The following EVC2 variants were observed in gnomAD, a reference collection of about 807,000 sequenced individuals.
EVC2 encodes the protein limbin.
In EVC2, 148 loss-of-function variants were observed where a neutral mutation model predicts 149.3. The observed-to-expected ratio is 0.99, with a 90% CI of 0.87 to 1.14. EVC2 has a LOEUF of 1.14. Among genes scored for constraint, EVC2 ranks in the 50% most tolerant of loss-of-function variants. The probability of loss-of-function intolerance (pLI) is 0.00; values close to 1 mark genes in which losing one functional copy is unlikely to be tolerated. For synonymous variants in EVC2, 776 were observed against 649.9 expected (o/e 1.19, Z -2.95); for missense variants, 1,854 against 1,627.3 (o/e 1.14, Z -2.40).
At chr4:5,689,071 C>T in intron 5 of EVC2, 86 bp downstream of exon 5, 1 of 1,462,034 alleles carries the variant, frequency 6.8e-7, no homozygotes, top group Non-Finnish European at 9.5e-7. Context: ...GCTTTAAGAA[C>T]ATGCCTGACC....
At chr4:5,661,134 C>A (rs986391907) in intron 9 of EVC2, among the ~76,000 whole-genome samples, 3 of 152,114 alleles carry the variant, frequency 2.0e-5, no homozygotes, top group African/African-American at 7.2e-5. Context: ...CAGAAAGCCA[C>A]ACATCTTTAA....
Position 5,618,687 on chromosome 4 carries a change from G to C in EVC2, c.2502-5C>G. On this transcript the variant is annotated splice_region_variant and splice_polypyrimidine_tract_variant and intron_variant, in intron 14 of 21. Transcript: ENST00000344408. This position sits in a 1 kb window ranked among gnomAD's most constrained non-coding sequence, Gnocchi z 4.4. ...AAGACTGAGGAGCAGAGCTTCCTGG[G>C]AGGAAGAACAGAGACACACTCTTAA... is the stretch of plus-strand genomic sequence containing the variant. 6.3e-7 allele frequency: 1 copy of C among 1,585,284 alleles called. No individual in the cohort carries two copies. The highest frequency in any genetic ancestry group is 8.6e-7 in the Non-Finnish European group (1 of 1,165,176).
chr4:5,593,233 C>T (rs1713002795), intron 16 of EVC2, among the ~76,000 whole-genome samples: 1 of 152,158 alleles, frequency 6.6e-6, no homozygotes, highest in Non-Finnish European at 1.5e-5. Context: ...ATGCAACCTT[C>T]CAGAAGTACG....
chr4:5,609,036 G>A (rs930998057), intron 16 of EVC2, among the ~76,000 whole-genome samples: 6 of 152,086 alleles, frequency 3.9e-5, no homozygotes, highest in Non-Finnish European at 7.3e-5. Context: ...GGGTCTCTCA[G>A]ACTTACACCA....
intron 16 of EVC2, among the ~76,000 whole-genome samples, chr4:5,594,471 G>A (rs1181496089): frequency 1.3e-5 from 2 of 152,218 alleles, no homozygotes; most frequent in Non-Finnish European, 2.9e-5. Context: ...AGCGTCTGGA[G>A]TGGACCTCTA....
In EVC2 at chr4:5,638,675, G is replaced by T. The variant is rs1397381444; in HGVS notation, c.1470+1839C>A. On this transcript the variant is annotated intron_variant, in intron 10 of 21. Transcript: ENST00000344408. ...ATTTAGAATAAGGGTCTTTCCACAT[G>T]AAATTAATTTAAGATCTTATGAGAT... Among the ~76,000 whole-genome samples the T allele has an allele frequency of 2.0e-5, 3 of 152,098 alleles. No homozygotes were observed. The East Asian group carries it at 5.8e-4, about 29-fold the overall frequency.
chr4:5,606,328 A>G (rs1270033333), intron 16 of EVC2, among the ~76,000 whole-genome samples: 1 of 152,190 alleles, frequency 6.6e-6, no homozygotes, highest in African/African-American at 2.4e-5. Context: ...ATTCCAAAGA[A>G]TCTTCATACA....
At chr4:5,648,684 T>G (rs1401188292) in intron 9 of EVC2, among the ~76,000 whole-genome samples, 1 of 152,148 alleles carries the variant, frequency 6.6e-6, no homozygotes, top group Non-Finnish European at 1.5e-5. Context: ...GGCTGCAGAA[T>G]AGAGTCAGGG....
Position 5,598,256 on chromosome 4 carries a change from G to A in EVC2, c.2830-13406C>T, listed in dbSNP as rs555920929. On this transcript the variant is annotated intron_variant, in intron 16 of 21. Coordinates refer to ENST00000344408, the MANE Select transcript of EVC2 (RefSeq NM_147127.5). ...ATGGAACCAAAAAAGAGCCCGCATC[G>A]CCAAGTCAATCCTAAGCCAAAAGAA... 6.2e-3 allele frequency among the ~76,000 whole-genome samples: 945 copies of A among 151,846 alleles called. 5 individuals carry two copies. Among genetic ancestry groups the A allele is most frequent in the Non-Finnish European group, 0.01 (700 of 67,952 alleles).
intron 10 of EVC2, among the ~76,000 whole-genome samples, chr4:5,638,164 G>A (rs930499174): frequency 6.6e-6 from 1 of 152,118 alleles, no homozygotes; most frequent in Admixed American, 6.5e-5. Flanking sequence ...CAAGGTGGGC[G>A]GATCACCTGA....
At chr4:5,616,297 C>T (rs1715245693) in intron 15 of EVC2, among the ~76,000 whole-genome samples, 1 of 152,192 alleles carries the variant, frequency 6.6e-6, no homozygotes, top group African/African-American at 2.4e-5. Flanking sequence ...GCTCAGAGGG[C>T]CACAGAAAGG....
At chr4:5,702,806 A>G (rs1027898328) in intron 1 of EVC2, among the ~76,000 whole-genome samples, 5 of 152,308 alleles carry the variant, frequency 3.3e-5, no homozygotes, top group Admixed American at 3.3e-4. Flanking sequence ...TTTGGGTTAG[A>G]CAAGTCTGGG....
rs1255099665 is a variant in EVC2, at chr4:5,656,317, C to T, written c.1145+6790G>A. ...TGACACACCCCATCGAGTCCTCTAA[C>T]TCACTGACCCCCTCCTTTCACTTCT... On this transcript the variant is annotated intron_variant, in intron 9 of 21. Transcript: ENST00000344408. Among the ~76,000 whole-genome samples, 5 of 152,302 alleles carry T rather than the reference C, an allele frequency of 3.3e-5. No homozygotes were observed. The East Asian group carries it at 7.7e-4, about 24-fold the overall frequency.
At position 5,628,575 on chromosome 4, in the gene EVC2, T is replaced by G. The variant is rs1177607224; in HGVS notation, c.1870A>C (p.Ile624Leu). ...STAAAQLTHL[I>L]QKHERAGYLD... ...GAGTGGTACCTCTCGTGCTTCTGAA[T>G]GAGGTGAGTCAGCTGGGCTGCAGCG... is the stretch of plus-strand genomic sequence containing the variant. Residue 624 changes from isoleucine to leucine, a missense_variant, in exon 12 of 22, where the codon ATT becomes CTT. By Grantham distance (5) the Ile-to-Leu change is conservative (BLOSUM62 2). Transcript: ENST00000344408. 4 of 1,614,114 alleles carry G rather than the reference T, an allele frequency of 2.5e-6. No homozygotes were observed. The Admixed American group carries it at 6.7e-5, about 27-fold the overall frequency.
Position 5,679,825 on chromosome 4 carries a change from G to C in EVC2, c.870+1435C>G, listed in dbSNP as rs1412835329. On this transcript the variant is annotated intron_variant, in intron 7 of 21. Transcript: ENST00000344408. The surrounding 1 kb of genome is among the most constrained non-coding windows in gnomAD (Gnocchi z 5.1). Reference sequence around the variant, plus strand: ...CCCTCCCTGTGACTTTATTACCTTTGTAATTTTTTTTTTAACATTTTGACT... The same window carrying C: ...CCCTCCCTGTGACTTTATTACCTTTCTAATTTTTTTTTTAACATTTTGACT... Among the ~76,000 whole-genome samples the C allele has an allele frequency of 6.9e-6, 1 of 144,692 alleles. No individual in the cohort carries two copies. The highest frequency in any genetic ancestry group is 1.5e-5 in the Non-Finnish European group (1 of 65,054). The allele number at this position is 144,692 out of a possible 152,430, so 94.9% of individuals were successfully genotyped here.
intron 16 of EVC2, among the ~76,000 whole-genome samples, chr4:5,603,309 C>A (rs1432391620): frequency 2.0e-5 from 3 of 152,140 alleles, no homozygotes; most frequent in Non-Finnish European, 4.4e-5. Flanking sequence ...TTGACAGAGG[C>A]TGCCTCAAGG....
chr4:5,561,409 G>C (rs1429477510), downstream of EVC2, among the ~76,000 whole-genome samples: 1 of 152,156 alleles, frequency 6.6e-6, no homozygotes, highest in Non-Finnish European at 1.5e-5. Context: ...CTGATGGATG[G>C]GAAAACTGGC....
At chr4:5,647,545 A>G (rs554651255) in intron 9 of EVC2, among the ~76,000 whole-genome samples, 1 of 152,346 alleles carries the variant, frequency 6.6e-6, no homozygotes, top group East Asian at 1.9e-4. Context: ...GTTACAAAGC[A>G]AGAAAGAAAC....
intron 7 of EVC2, among the ~76,000 whole-genome samples, 163 bp from the exon 8 acceptor site, chr4:5,665,812 G>A (rs1361844092): frequency 6.6e-6 from 1 of 152,158 alleles, no homozygotes; most frequent in Non-Finnish European, 1.5e-5. Flanking sequence ...GGAGGCCCTC[G>A]CTGGTCCTCT....
Sources: gnomAD v4.1 joint callset for allele counts (sites outside exome capture counted in the v4.1 genomes callset) on GRCh38, gnomAD v4.1.1 for gene constraint, Gnocchi (gnomAD v3.1) non-coding constraint, MANE v1.5 for transcripts, NCBI Gene and HGNC (gene_info 2026-07-23, HGNC 2026-07-21) for gene names.